SIL1: variants seen among roughly 807,000 people sequenced by gnomAD.
SIL1 encodes the protein nucleotide exchange factor SIL1.
Under a neutral mutation model 49.1 loss-of-function variants are expected in SIL1, and 40 were observed. That is an observed-to-expected ratio of 0.81 (90% CI 0.63 to 1.06). SIL1 has a LOEUF of 1.06. SIL1 is among the 50% of genes least tolerant of loss of function. The pLI, the probability that SIL1 is intolerant of heterozygous loss-of-function variation, is 0.00. For missense variants in SIL1, 500 were observed against 572.6 expected (o/e 0.87, Z 1.29); for synonymous variants, 253 against 250.8 (o/e 1.01, Z -0.08).
intron 7 of SIL1, among the ~76,000 whole-genome samples, chr5:138,995,251 T>C (rs984063641): frequency 2.1e-5 from 1 of 47,692 alleles, no homozygotes; most frequent in Admixed American, 1.7e-4. Context: ...AATATTCATC[T>C]TTTTTTTTTT....
chr5:139,060,946 G>A (rs1247187082), intron 3 of SIL1, among the ~76,000 whole-genome samples: 3 of 152,118 alleles, frequency 2.0e-5, no homozygotes, highest in Non-Finnish European at 4.4e-5. Context: ...CAGGAGGTAG[G>A]AGCCATGTCA....
chr5:138,999,479 G>GTT (rs994738240), intron 7 of SIL1, among the ~76,000 whole-genome samples: 3 of 152,094 alleles, frequency 2.0e-5, no homozygotes, highest in African/African-American at 7.2e-5. Flanking sequence ...GGGCAACATA[G>GTT]TGAGACCCTA....
chr5:139,170,001 C>A (rs1243424870), intron 1 of SIL1, among the ~76,000 whole-genome samples: 2 of 152,198 alleles, frequency 1.3e-5, no homozygotes, highest in South Asian at 2.1e-4. Flanking sequence ...CAAGTGCCTG[C>A]GATTACAGGC....
At chr5:138,981,283 G>A (rs1238720456) in intron 7 of SIL1, among the ~76,000 whole-genome samples, 2 of 151,424 alleles carry the variant, frequency 1.3e-5, no homozygotes, top group Admixed American at 1.3e-4. Context: ...CTTGTGAGAA[G>A]CATTCTGGGT....
intron 3 of SIL1, chr5:139,094,017 C>G (rs1770400074): frequency 6.6e-6 from 1 of 152,172 alleles, no homozygotes; most frequent in Admixed American, 6.5e-5. Context: ...CATAAACCAG[C>G]CCTCACCTGC....
intron 1 of SIL1, among the ~76,000 whole-genome samples, chr5:139,181,976 T>C: frequency 6.6e-6 from 1 of 151,926 alleles, no homozygotes; most frequent in Non-Finnish European, 1.5e-5. Flanking sequence ...TAATACACAG[T>C]TTTTGTTTTT....
chr5:139,144,816 A>C (rs751688758), intron 1 of SIL1, among the ~76,000 whole-genome samples: 35 of 152,270 alleles, frequency 2.3e-4, no homozygotes, highest in Non-Finnish European at 4.4e-4. Flanking sequence ...GGTTGCAGTG[A>C]GCTGAGACTG....
chr5:138,992,570 G>T (rs1480056146), intron 7 of SIL1, among the ~76,000 whole-genome samples: 1 of 152,140 alleles, frequency 6.6e-6, no homozygotes, highest in Non-Finnish European at 1.5e-5. Context: ...CTCTTGGTAT[G>T]CTATGCTCTT....
At chr5:139,073,331 G>A (rs1172749977) in intron 3 of SIL1, among the ~76,000 whole-genome samples, 1 of 152,072 alleles carries the variant, frequency 6.6e-6, no homozygotes, top group African/African-American at 2.4e-5. Context: ...ATAGAATACA[G>A]AAAATATGGA....
At chr5:138,960,775 T>C (rs1767004497) in intron 7 of SIL1, among the ~76,000 whole-genome samples, 1 of 152,236 alleles carries the variant, frequency 6.6e-6, no homozygotes, top group Admixed American at 6.5e-5. Context: ...GTCTTTATTA[T>C]CATTTCTCTA....
rs753498903 is a variant in SIL1 at position 139,027,012 on chromosome 5, G to A, written c.454-20C>T. The A allele has an allele frequency of 1.9e-6, 3 of 1,613,730 alleles. No homozygotes were observed. The African/African-American group carries it at 4.0e-5, about 22-fold the overall frequency. ...CCTTGCCTAAGGAGAGCAGCAAAGA[G>A]GTGATTAAATTGGTTGGAGACATCT... On this transcript the variant is annotated intron_variant, in intron 5 of 9. Transcript: ENST00000394817.
intron 1 of SIL1, among the ~76,000 whole-genome samples, chr5:139,147,311 A>G (rs1272057635): frequency 6.6e-6 from 1 of 151,964 alleles, no homozygotes; most frequent in East Asian, 1.9e-4. Flanking sequence ...ACCCTGAGAC[A>G]CTCATCTCAC....
intron 7 of SIL1, among the ~76,000 whole-genome samples, chr5:138,987,696 C>T (rs1253480054): frequency 6.6e-6 from 1 of 152,212 alleles, no homozygotes; most frequent in African/African-American, 2.4e-5. Flanking sequence ...TTACTACACC[C>T]ATCTCATCCC....
At chr5:139,072,710 T>C (rs1769860711) in intron 3 of SIL1, among the ~76,000 whole-genome samples, 1 of 152,068 alleles carries the variant, frequency 6.6e-6, no homozygotes, top group Non-Finnish European at 1.5e-5. Context: ...AATAGACAAA[T>C]AGGATTACAT....
At chr5:139,180,117 A>C (rs942753676) in intron 1 of SIL1, among the ~76,000 whole-genome samples, 33 of 150,336 alleles carry the variant, frequency 2.2e-4, no homozygotes, top group Non-Finnish European at 3.5e-4. Context: ...TAATCCCAGC[A>C]CTTTGGGAGA....
intron 7 of SIL1, among the ~76,000 whole-genome samples, chr5:138,967,917 T>C (rs1048422317): frequency 1.3e-5 from 2 of 151,776 alleles, no homozygotes; most frequent in African/African-American, 4.8e-5. Flanking sequence ...GAGGCTCTGG[T>C]GGGAAAAGCT....
At chr5:139,032,337 T>A (rs762773773) in intron 5 of SIL1, among the ~76,000 whole-genome samples, 2 of 152,252 alleles carry the variant, frequency 1.3e-5, no homozygotes, top group African/African-American at 2.4e-5. Context: ...TGATTTTTCT[T>A]CTTTAGCCTA....
intron 3 of SIL1, among the ~76,000 whole-genome samples, chr5:139,105,038 G>GAT (rs1416058064): frequency 6.6e-6 from 1 of 152,180 alleles, no homozygotes; most frequent in Non-Finnish European, 1.5e-5. Flanking sequence ...GCAGGGCAGG[G>GAT]ATAGGGCGGC....
At chr5:139,030,696 G>C (rs1264806307) in intron 5 of SIL1, among the ~76,000 whole-genome samples, 1 of 151,228 alleles carries the variant, frequency 6.6e-6, no homozygotes, top group Non-Finnish European at 1.5e-5. Flanking sequence ...AGAAAACATA[G>C]ACCATTTCCG....
Sources: allele counts gnomAD v4.1 joint callset (sites outside exome capture counted in the v4.1 genomes callset), GRCh38; gene constraint gnomAD v4.1.1; transcripts MANE v1.5; gene names NCBI Gene and HGNC (gene_info 2026-07-23, HGNC 2026-07-21).